Variants in TAFA1 observed in about 807,000 individuals in gnomAD.
TAFA1 encodes the protein TAFA chemokine like family member 1.
TAFA1 carries 4 observed loss-of-function variants against 18.5 expected under a neutral mutation model. That is an observed-to-expected ratio of 0.22 (90% CI 0.11 to 0.49). The LOEUF (loss-of-function observed/expected upper bound fraction) is 0.49, where lower values mean the gene tolerates loss of function less well. Ranked by LOEUF, TAFA1 falls within the 20% of genes least tolerant of loss-of-function variation. The pLI is 0.98. For synonymous variants in TAFA1, 56 were observed against 55.2 expected (o/e 1.01, Z -0.06); for missense variants, 147 against 169.0 (o/e 0.87, Z 0.72).
chr3:68,145,022 G>T, intron 2 of TAFA1: 2 of 1,595,844 alleles, frequency 1.3e-6, no homozygotes, highest in South Asian at 2.2e-5. Context: ...GGCGGTGATG[G>T]CAGAAAGCGC....
intron 2 of TAFA1, among the ~76,000 whole-genome samples, chr3:68,310,793 T>C (rs548428863): frequency 1.4e-4 from 22 of 152,304 alleles, no homozygotes; most frequent in African/African-American, 5.3e-4. Context: ...TGCTAAAAGA[T>C]AGTGAAATTT....
intron 2 of TAFA1, among the ~76,000 whole-genome samples, chr3:68,091,074 G>T (rs191156845): frequency 6.6e-6 from 1 of 152,184 alleles, no homozygotes; most frequent in South Asian, 2.1e-4. Flanking sequence ...ACACTTTTTC[G>T]TTGTCTAATG....
At chr3:68,294,733 T>G (rs2068177414) in intron 2 of TAFA1, among the ~76,000 whole-genome samples, 2 of 151,826 alleles carry the variant, frequency 1.3e-5, no homozygotes, top group South Asian at 2.1e-4. Context: ...TAAAATTAGC[T>G]GGGCATGGTG....
chr3:68,266,560 T>C (rs2067550654), intron 2 of TAFA1, among the ~76,000 whole-genome samples: 1 of 152,186 alleles, frequency 6.6e-6, no homozygotes, highest in African/African-American at 2.4e-5. Flanking sequence ...AGTATTTTTA[T>C]TCTCCCTTTA....
chr3:68,128,862 C>CT, intron 2 of TAFA1, among the ~76,000 whole-genome samples: 1 of 152,156 alleles, frequency 6.6e-6, no homozygotes, highest in Non-Finnish European at 1.5e-5. Context: ...TTACTCAAAA[C>CT]TGATTTCTAG....
chr3:68,144,718 C>A (rs1025365603), intron 2 of TAFA1, among the ~76,000 whole-genome samples: 1 of 152,156 alleles, frequency 6.6e-6, no homozygotes, highest in African/African-American at 2.4e-5. Context: ...CTTTAATTTC[C>A]CACTTCAGTA....
chr3:68,330,760 A>G (rs2068853494), intron 2 of TAFA1, among the ~76,000 whole-genome samples: 1 of 152,168 alleles, frequency 6.6e-6, no homozygotes, highest in Non-Finnish European at 1.5e-5. Context: ...GGTTTGTATA[A>G]TTTTGGAAGT....
At chr3:68,322,568 A>C (rs1311307872) in intron 2 of TAFA1, among the ~76,000 whole-genome samples, 1 of 152,196 alleles carries the variant, frequency 6.6e-6, no homozygotes, top group Non-Finnish European at 1.5e-5. Flanking sequence ...ACAGTGGCTC[A>C]TATCTGTAAT....
chr3:68,371,765 T>C (rs2069711291), intron 2 of TAFA1, among the ~76,000 whole-genome samples: 1 of 152,146 alleles, frequency 6.6e-6, no homozygotes, highest in Non-Finnish European at 1.5e-5. Flanking sequence ...GCATAAAATT[T>C]AAAAATAAAC....
intron 2 of TAFA1, among the ~76,000 whole-genome samples, chr3:68,366,199 C>T (rs920831054): frequency 6.6e-6 from 1 of 152,050 alleles, no homozygotes; most frequent in African/African-American, 2.4e-5. Flanking sequence ...GGGGTCCCTC[C>T]CACAACACAT....
chr3:68,470,347 G>C (rs867347458), intron 3 of TAFA1, among the ~76,000 whole-genome samples: 1 of 152,168 alleles, frequency 6.6e-6, no homozygotes, highest in South Asian at 2.1e-4. Context: ...GGTACTGGTA[G>C]AGTGGGGTGC....
chr3:68,066,084 G>A, intron 2 of TAFA1, among the ~76,000 whole-genome samples: 1 of 152,138 alleles, frequency 6.6e-6, no homozygotes, highest in Admixed American at 6.6e-5. Context: ...GGGTTGGATA[G>A]AGATTATAAA....
At chr3:68,050,393 C>T (rs902868666) in intron 2 of TAFA1, among the ~76,000 whole-genome samples, 3 of 152,004 alleles carry the variant, frequency 2.0e-5, no homozygotes, top group East Asian at 1.9e-4. Context: ...GCTCATAAGG[C>T]GAGGAAATAG....
chr3:68,081,007 C>T lies in TAFA1; in HGVS notation c.118+74263C>T, dbSNP rs375483028. Among the ~76,000 whole-genome samples the T allele has an allele frequency of 3.9e-5, 6 of 152,008 alleles. No homozygotes were observed. The East Asian group carries it at 7.7e-4, about 20-fold the overall frequency. ...TCCCATATTTCTTGGAGGCTTTGCT[C>T]ATTTCTTTTTATTCTTTTTTCTCTA... On this transcript the variant is annotated intron_variant, in intron 2 of 4. Coordinates refer to ENST00000478136, the MANE Select transcript of TAFA1 (RefSeq NM_213609.4).
intron 3 of TAFA1, 156 bp downstream of exon 3, chr3:68,417,576 C>A (rs1021037713): frequency 4.3e-6 from 3 of 697,504 alleles, no homozygotes; most frequent in East Asian, 5.4e-5. Context: ...AGTTTGAATT[C>A]TTTTTTCTCT....
Position 68,538,740 on chromosome 3 carries a change from T to A in TAFA1, c.260-16T>A, listed in dbSNP as rs1239227664. 1 of 1,612,704 alleles carries A rather than the reference T, an allele frequency of 6.2e-7. No individual in the cohort carries two copies. Among genetic ancestry groups the A allele is most frequent in the Non-Finnish European group, 8.5e-7 (1 of 1,179,282 alleles). ...TGGATGAATTGCAAACACAGTTGTTTCCTGTTTCTGCACAGCCTCCATAGT... is the reference window on the plus strand; with the variant it reads ...TGGATGAATTGCAAACACAGTTGTTACCTGTTTCTGCACAGCCTCCATAGT... On this transcript the variant is annotated splice_polypyrimidine_tract_variant and intron_variant, in intron 3 of 4. Coordinates refer to ENST00000478136, the MANE Select transcript of TAFA1 (RefSeq NM_213609.4).
chr3:68,404,593 T>G (rs560738591), intron 2 of TAFA1, among the ~76,000 whole-genome samples: 1 of 150,918 alleles, frequency 6.6e-6, no homozygotes, highest in African/African-American at 2.4e-5. Context: ...AGGTCAGGAG[T>G]TCAAGACAGC....
chr3:68,381,670 G>C (rs1220358665), intron 2 of TAFA1, among the ~76,000 whole-genome samples: 3 of 152,154 alleles, frequency 2.0e-5, no homozygotes, highest in Non-Finnish European at 4.4e-5. Flanking sequence ...GAGATTTTGG[G>C]CTGAGAAGAT....
At chr3:68,124,622 T>G (rs1250748403) in intron 2 of TAFA1, among the ~76,000 whole-genome samples, 1 of 152,230 alleles carries the variant, frequency 6.6e-6, no homozygotes, top group Non-Finnish European at 1.5e-5. Flanking sequence ...CACAGTGTCT[T>G]AAACACTGTA....
Sources: allele counts gnomAD v4.1 joint callset (sites outside exome capture counted in the v4.1 genomes callset), GRCh38; gene constraint gnomAD v4.1.1; transcripts MANE v1.5; gene names NCBI Gene and HGNC (gene_info 2026-07-23, HGNC 2026-07-21).